Variants in DIPK2B observed in about 807,000 individuals in gnomAD.
DIPK2B encodes UPF0672 protein CXorf36.
DIPK2B carries 15 observed loss-of-function variants against 22.2 expected under a neutral mutation model. The ratio of observed to expected loss-of-function variants is 0.68; its 90% confidence interval spans 0.45 to 1.04. The LOEUF is 1.04. Among genes scored for constraint, DIPK2B ranks in the 50% least tolerant of loss-of-function variants. The pLI, the probability that DIPK2B is intolerant of heterozygous loss-of-function variation, is 0.00. For synonymous variants in DIPK2B, 163 were observed against 153.2 expected, an observed-to-expected ratio of 1.06 and a Z score of -0.47; for missense variants, 345 against 348.3, an observed-to-expected ratio of 0.99 and a Z score of 0.08.
At chrX:45,165,420 T>C (rs1290777154) in intron 2 of DIPK2B, among the ~76,000 whole-genome samples, 1 of 111,051 alleles carries the variant, frequency 9.0e-6, no homozygotes, top group East Asian at 2.8e-4. Flanking sequence ...GAAGGAGAGA[T>C]GGAGTTGCTG....
At chrX:45,196,541 A>T (rs1178439096) in intron 1 of DIPK2B, among the ~76,000 whole-genome samples, 6 of 111,344 alleles carry the variant, frequency 5.4e-5, no homozygotes, top group Non-Finnish European at 1.1e-4. Context: ...GCTCAGTTGG[A>T]AGTGTTTAAA....
At chrX:45,154,318 T>TCTATCTA in intron 3 of DIPK2B, 120 bp from the exon 4 acceptor site, 1 of 573,218 alleles carries the variant, frequency 1.7e-6, no homozygotes, top group Non-Finnish European at 2.5e-6. Context: ...TATCTATCTA[T>TCTATCTA]CTGTCTATCT....
intron 2 of DIPK2B, among the ~76,000 whole-genome samples, chrX:45,187,887 C>T (rs1453513507): frequency 1.8e-5 from 2 of 110,837 alleles, no homozygotes; most frequent in African/African-American, 6.6e-5. Context: ...AAACACACAG[C>T]AACACACACA....
At chrX:45,181,515 C>A (rs1376457332) in intron 2 of DIPK2B, among the ~76,000 whole-genome samples, 1 of 112,008 alleles carries the variant, frequency 8.9e-6, no homozygotes, top group Non-Finnish European at 1.9e-5. Context: ...AGATAATACA[C>A]CAATGGAATA....
chrX:45,159,201 A>G (rs1009990634), intron 2 of DIPK2B, among the ~76,000 whole-genome samples: 3 of 111,624 alleles, frequency 2.7e-5, no homozygotes, highest in Non-Finnish European at 5.6e-5. Context: ...TCTTAAATGA[A>G]GGTATCTCTG....
intron 1 of DIPK2B, among the ~76,000 whole-genome samples, chrX:45,195,303 T>C (rs1343685611): frequency 4.5e-5 from 5 of 111,190 alleles, no homozygotes; most frequent in Non-Finnish European, 7.5e-5. Context: ...GCCAAGTTCC[T>C]GATTGTGTTG....
intron 3 of DIPK2B, 68 bp from the exon 4 acceptor site, chrX:45,154,266 T>G: frequency 6.6e-6 from 6 of 905,090 alleles, no homozygotes; most frequent in Non-Finnish European, 8.9e-6. Context: ...GTCTATTATC[T>G]CTATCTATCT....
chrX:45,154,299 C>A (rs2046979159), intron 3 of DIPK2B, 101 bp from the exon 4 acceptor site: 1 of 634,267 alleles, frequency 1.6e-6, no homozygotes, highest in Non-Finnish European at 2.3e-6. Context: ...ATCTATCTAT[C>A]TATCTATCTA....
chrX:45,191,667 A>T, intron 2 of DIPK2B, 84 bp downstream of exon 2: 2 of 1,069,155 alleles, frequency 1.9e-6, no homozygotes, highest in South Asian at 2.2e-5. Flanking sequence ...TTTTTCTCAA[A>T]CTGAGATATG....
Position 45,200,600 on chromosome X carries a change from T to C in DIPK2B, c.227A>G (p.Glu76Gly). ...TSICKKFFKE[E>G]IRSDNWLASH... ...ATTTGATTGATATTCTGACCTTATTTCTTCTTTAAAGAACTTCTTGCAAAT... is the reference window on the plus strand; with the variant it reads ...ATTTGATTGATATTCTGACCTTATTCCTTCTTTAAAGAACTTCTTGCAAAT... Residue 76 changes from glutamate (E) to glycine (G), a missense_variant, in exon 1 of 5, where the codon GAA (glutamate) becomes GGA (glycine). Physicochemically the swap from Glu to Gly is moderately conservative, Grantham distance 98. Coordinates refer to ENST00000398000, the MANE Select transcript of DIPK2B (RefSeq NM_176819.4). The C allele has an allele frequency of 8.3e-7, 1 of 1,209,008 alleles. No homozygotes were observed. The highest frequency in any genetic ancestry group is 1.1e-6 in the Non-Finnish European group (1 of 892,677).
intron 2 of DIPK2B, among the ~76,000 whole-genome samples, chrX:45,175,280 T>C (rs2047110800): frequency 9.0e-6 from 1 of 111,225 alleles, no homozygotes; most frequent in African/African-American, 3.3e-5. Context: ...TTATTTATGA[T>C]AATAAAAATA....
chrX:45,159,720 A>G (rs1335609733), intron 2 of DIPK2B, among the ~76,000 whole-genome samples: 1 of 111,938 alleles, frequency 8.9e-6, no homozygotes, highest in Non-Finnish European at 1.9e-5. Context: ...TGGAGCCAAC[A>G]GGAGGAGGGC....
chrX:45,198,098 T>C (rs1027300691), intron 1 of DIPK2B, among the ~76,000 whole-genome samples: 1 of 112,047 alleles, frequency 8.9e-6, no homozygotes, highest in African/African-American at 3.2e-5. Context: ...GTTCCTGATA[T>C]ACTGTTAAAT....
chrX:45,182,771 G>A (rs540339652), intron 2 of DIPK2B, among the ~76,000 whole-genome samples: 2 of 112,953 alleles, frequency 1.8e-5, no homozygotes, highest in African/African-American at 3.2e-5. Flanking sequence ...CATATTGTAC[G>A]ATTCCATTTA....
rs760523051 is a variant in DIPK2B, at chrX:45,194,045, T to C, written c.234-2030A>G. Among the ~76,000 whole-genome samples the C allele has an allele frequency of 3.6e-5, 4 of 112,035 alleles. No homozygotes were observed. In the East Asian group the frequency reaches 1.1e-3, roughly 32 times the overall value. On this transcript the variant is annotated intron_variant, in intron 1 of 4. Coordinates refer to ENST00000398000, the MANE Select transcript of DIPK2B (RefSeq NM_176819.4). ...GTGTGCCAGTCACTTTACTAAACAC[T>C]TTATATGTACAGATTCATTTAATTG...
Position 45,191,934 on chromosome X carries a change from G to C in DIPK2B, c.315C>G (p.Ser105=). The C allele has an allele frequency of 8.3e-7, 1 of 1,211,829 alleles. No individual in the cohort carries two copies. The highest frequency in any genetic ancestry group is 1.1e-6 in the Non-Finnish European group (1 of 895,424). ...LSYPANYSDD[S]KIWRPVEIFR... is the part of the protein sequence containing the mutation. ...AGATCTCCACAGGGCGCCAGATTTT[G>C]GAATCATCTGAGTAATTTGCAGGAT... The change falls in exon 2 of 5, where the codon TCC becomes TCG. Residue 105 remains serine (S), a synonymous_variant. Coordinates refer to ENST00000398000, the MANE Select transcript of DIPK2B (RefSeq NM_176819.4).
In DIPK2B at chrX:45,173,211, C is replaced by G. The variant is rs370578034; in HGVS notation, c.499-15323G>C. 5.4e-5 allele frequency among the ~76,000 whole-genome samples: 6 copies of G among 112,135 alleles called. No homozygotes were observed. In the East Asian group the frequency reaches 1.1e-3, roughly 21 times the overall value. On this transcript the variant is annotated intron_variant, in intron 2 of 4. Transcript: ENST00000398000. ...TACAAAGCTGTCACATCACCTTTGG[C>G]TTTCTTTGCATATCCCTTGGTGACT... is the stretch of plus-strand genomic sequence containing the variant.
At chrX:45,195,880 G>C (rs960337013) in intron 1 of DIPK2B, among the ~76,000 whole-genome samples, 1 of 111,897 alleles carries the variant, frequency 8.9e-6, no homozygotes, top group Admixed American at 9.5e-5. Context: ...CCTCTTTCTT[G>C]TCTGGAAAAT....
At chrX:45,198,244 T>A (rs188633390) in intron 1 of DIPK2B, among the ~76,000 whole-genome samples, 3 of 112,272 alleles carry the variant, frequency 2.7e-5, no homozygotes, top group Non-Finnish European at 1.9e-5. Flanking sequence ...AAGAATTATA[T>A]GTGATTTTAT....
Sources: allele counts gnomAD v4.1 joint callset (sites outside exome capture counted in the v4.1 genomes callset), GRCh38; gene constraint gnomAD v4.1.1; transcripts MANE v1.5; gene names NCBI Gene and HGNC (gene_info 2026-07-23, HGNC 2026-07-21).